VAV3: variants seen among roughly 807,000 people sequenced by gnomAD.
The protein encoded by VAV3 is guanine nucleotide exchange factor VAV3.
Under a neutral mutation model 131.2 loss-of-function variants are expected in VAV3, and 94 were observed. That is an observed-to-expected ratio of 0.72 (90% CI 0.61 to 0.85). The LOEUF is 0.85. Among genes scored for constraint, VAV3 ranks in the 40% least tolerant of loss-of-function variants. The pLI is 0.00. For missense variants in VAV3, 939 were observed against 1,002.7 expected (o/e 0.94, Z 0.86); for synonymous variants, 349 against 342.0 (o/e 1.02, Z -0.22).
intron 1 of VAV3, among the ~76,000 whole-genome samples, chr1:107,899,195 A>T (rs1671746549): frequency 6.6e-6 from 1 of 152,210 alleles, no homozygotes; most frequent in African/African-American, 2.4e-5. Context: ...TATTTCCTAA[A>T]AATAAATTAT....
chr1:107,661,292 T>G (rs980379201), intron 19 of VAV3, among the ~76,000 whole-genome samples: 6 of 152,152 alleles, frequency 3.9e-5, no homozygotes, highest in Admixed American at 2.0e-4. Flanking sequence ...GTGCCACTCT[T>G]GCACGACCCA....
intron 21 of VAV3, among the ~76,000 whole-genome samples, chr1:107,613,378 TTC>T (rs1283760518): frequency 6.6e-6 from 1 of 152,086 alleles, no homozygotes; most frequent in Non-Finnish European, 1.5e-5. Context: ...TCACTCCATT[TTC>T]TGTTTTATTT....
chr1:107,657,206 C>T (rs145504620), intron 19 of VAV3, among the ~76,000 whole-genome samples: 4 of 152,180 alleles, frequency 2.6e-5, no homozygotes, highest in African/African-American at 9.6e-5. Flanking sequence ...CCGCCCGTCT[C>T]GGCCTCCCAA....
intron 19 of VAV3, among the ~76,000 whole-genome samples, chr1:107,657,169 G>A (rs1027336789): frequency 6.6e-6 from 1 of 151,948 alleles, no homozygotes; most frequent in African/African-American, 2.4e-5. Flanking sequence ...TCGCCAGGTT[G>A]ATATCAAACT....
intron 15 of VAV3, among the ~76,000 whole-genome samples, chr1:107,734,904 A>C (rs929125110): frequency 7.9e-5 from 12 of 152,334 alleles, no homozygotes; most frequent in East Asian, 3.9e-4. Context: ...CACAATATAC[A>C]TTCTTCTCAG....
intron 25 of VAV3, among the ~76,000 whole-genome samples, chr1:107,575,922 C>A (rs147784989): frequency 6.6e-6 from 1 of 152,030 alleles, no homozygotes; most frequent in Non-Finnish European, 1.5e-5. Flanking sequence ...ATGCACAAAC[C>A]GAAGAACTGC....
chr1:107,592,286 T>C (rs114256805), intron 25 of VAV3, among the ~76,000 whole-genome samples: 173 of 152,280 alleles, frequency 1.1e-3, no homozygotes, highest in African/African-American at 4.1e-3. Context: ...AGATTCCACT[T>C]ATGCTTTTTG....
intron 2 of VAV3, among the ~76,000 whole-genome samples, chr1:107,872,517 C>T (rs758348947): frequency 3.3e-5 from 5 of 152,206 alleles, no homozygotes; most frequent in East Asian, 3.9e-4. Flanking sequence ...TATATATTCA[C>T]GACATCAGAA....
intron 1 of VAV3, among the ~76,000 whole-genome samples, chr1:107,948,841 C>CAA (rs199928006): frequency 3.4e-5 from 5 of 147,162 alleles, no homozygotes; most frequent in African/African-American, 1.2e-4. Context: ...GACTCCATCT[C>CAA]AAAAAAAAAA....
intron 22 of VAV3, among the ~76,000 whole-genome samples, chr1:107,608,559 C>A (rs2101136919): frequency 6.6e-6 from 1 of 152,272 alleles, no homozygotes; most frequent in East Asian, 1.9e-4. Flanking sequence ...CCAGTTCTAT[C>A]ACAAACCTGC....
At chr1:107,846,210 C>T (rs1668958836) in intron 2 of VAV3, among the ~76,000 whole-genome samples, 2 of 152,076 alleles carry the variant, frequency 1.3e-5, no homozygotes, top group South Asian at 4.1e-4. Flanking sequence ...GCTTCATAAG[C>T]AAAGGAGAAA....
intron 1 of VAV3, 116 bp downstream of exon 1, chr1:107,964,550 C>A: frequency 8.4e-7 from 1 of 1,195,196 alleles, no homozygotes; most frequent in South Asian, 1.6e-5. Context: ...AAGCAGAAGG[C>A]TGGGAAGCAG....
chr1:107,815,805 T>C (rs1235241512), intron 2 of VAV3, among the ~76,000 whole-genome samples: 1 of 152,152 alleles, frequency 6.6e-6, no homozygotes, highest in East Asian at 1.9e-4. Context: ...TTTTTTTGCC[T>C]AACACAACAG....
intron 2 of VAV3, among the ~76,000 whole-genome samples, chr1:107,841,109 G>A (rs1668685335): frequency 6.6e-6 from 1 of 152,114 alleles, no homozygotes; most frequent in Admixed American, 6.6e-5. Context: ...GATGATGGGA[G>A]TTCCATTATA....
chr1:107,861,693 C>G (rs1156972450), intron 2 of VAV3, among the ~76,000 whole-genome samples: 1 of 151,446 alleles, frequency 6.6e-6, no homozygotes, highest in African/African-American at 2.4e-5. Context: ...ATCATCTTGT[C>G]TAAGATGAAT....
At chr1:107,932,269 G>A (rs934982602) in intron 1 of VAV3, among the ~76,000 whole-genome samples, 3 of 152,240 alleles carry the variant, frequency 2.0e-5, no homozygotes, top group African/African-American at 7.2e-5. Flanking sequence ...CTTCTCAGGA[G>A]TTCAAGGTGA....
At chr1:107,893,528 C>T (rs575575133) in intron 1 of VAV3, among the ~76,000 whole-genome samples, 42 of 152,102 alleles carry the variant, frequency 2.8e-4, no homozygotes, top group African/African-American at 8.7e-4. Context: ...ATAATCATGG[C>T]GGAAGGTGAG....
At chr1:107,714,061 A>C (rs1031189073) in intron 15 of VAV3, among the ~76,000 whole-genome samples, 1 of 152,142 alleles carries the variant, frequency 6.6e-6, no homozygotes, top group African/African-American at 2.4e-5. Flanking sequence ...GTTCACTTAT[A>C]CGCATTATTT....
At chr1:107,634,042 C>G (rs1356185718) in intron 20 of VAV3, among the ~76,000 whole-genome samples, 3 of 152,170 alleles carry the variant, frequency 2.0e-5, no homozygotes, top group African/African-American at 7.2e-5. Context: ...AATGGCCATA[C>G]TGCCCATGGT....
Sources: gnomAD v4.1 joint callset for allele counts (sites outside exome capture counted in the v4.1 genomes callset) on GRCh38, gnomAD v4.1.1 for gene constraint, MANE v1.5 for transcripts, NCBI Gene and HGNC (gene_info 2026-07-23, HGNC 2026-07-21) for gene names.